Variants in SH3PXD2B observed in about 807,000 individuals in gnomAD.
SH3PXD2B encodes the protein SH3 and PX domains 2B, also known as SH3 and PX domain-containing protein 2B.
In SH3PXD2B, 37 loss-of-function variants were observed where a neutral mutation model predicts 73.1. The ratio of observed to expected loss-of-function variants is 0.51; its 90% CI spans 0.39 to 0.67. SH3PXD2B has a LOEUF of 0.67. SH3PXD2B is among the 30% of genes least tolerant of loss of function. The pLI, the probability that SH3PXD2B is intolerant of heterozygous loss-of-function variation, is 0.00. For missense variants in SH3PXD2B, 1,053 were observed against 1,197.8 expected (o/e 0.88, Z 1.78); for synonymous variants, 457 against 480.5 (o/e 0.95, Z 0.64).
intron 4 of SH3PXD2B, among the ~76,000 whole-genome samples, chr5:172,384,080 C>T (rs1758006998): frequency 6.6e-6 from 1 of 151,972 alleles, no homozygotes; most frequent in African/African-American, 2.4e-5. Flanking sequence ...CTCCTGACCT[C>T]GTGATCCACC....
At position 172,336,529 on chromosome 5, in the gene SH3PXD2B, G is replaced by T. The variant is rs1561888441; in HGVS notation, c.*1840C>A. ...TCACGCAGAAGCAGCCAGCACCCACGTGATAGGGGGTGGAGCTGGGAGGCG... is the reference window on the plus strand; with the variant it reads ...TCACGCAGAAGCAGCCAGCACCCACTTGATAGGGGGTGGAGCTGGGAGGCG... On this transcript the variant is annotated 3_prime_UTR_variant, in exon 13 of 13. Coordinates refer to ENST00000311601, the MANE Select transcript of SH3PXD2B (RefSeq NM_001017995.3). 3 of 985,668 alleles carry T rather than the reference G, an allele frequency of 3.0e-6. No individual in the cohort carries two copies. The highest frequency in any genetic ancestry group is 1.1e-4 in the East Asian group (1 of 8,798). 61.1% of individuals were successfully genotyped at this position (985,668 alleles called of 1,614,324 possible).
chr5:172,331,619 A>G (rs1756557691), downstream of SH3PXD2B, among the ~76,000 whole-genome samples: 1 of 152,174 alleles, frequency 6.6e-6, no homozygotes, highest in African/African-American at 2.4e-5. Context: ...TGCAGGTATG[A>G]GAGGGTGAGG....
In SH3PXD2B at chr5:172,393,946, A is replaced by G. The variant is rs550485545; in HGVS notation, c.309+617T>C. On this transcript the variant is annotated intron_variant, in intron 4 of 12. Coordinates refer to ENST00000311601, the MANE Select transcript of SH3PXD2B (RefSeq NM_001017995.3). Reference sequence around the variant, plus strand: ...CGTGGTCATTAAAAGTAGGCTTAAGAGGATTTTTTTTTTTTTGAGACAGAG... The same window carrying G: ...CGTGGTCATTAAAAGTAGGCTTAAGGGGATTTTTTTTTTTTTGAGACAGAG... 1.2e-3 allele frequency among the ~76,000 whole-genome samples: 147 copies of G among 124,250 alleles called. 2 individuals carry two copies. Among genetic ancestry groups the G allele is most frequent in the African/African-American group, 4.9e-3 (138 of 28,192 alleles). The allele number at this position is 124,250 out of a possible 152,430, so 81.5% of individuals were successfully genotyped here. A position where few individuals can be genotyped will look rare whatever the true frequency, so the allele number is the denominator to read the frequency against.
At chr5:172,443,257 T>C (rs574372766) in intron 1 of SH3PXD2B, among the ~76,000 whole-genome samples, 28 of 152,350 alleles carry the variant, frequency 1.8e-4, no homozygotes, top group Admixed American at 1.3e-3. Flanking sequence ...GGAATCGCTA[T>C]TTGTGACAAA....
chr5:172,452,238 T>A (rs1759812450), intron 1 of SH3PXD2B, among the ~76,000 whole-genome samples: 1 of 152,146 alleles, frequency 6.6e-6, no homozygotes. Context: ...TGAATCCCAA[T>A]CTATGTTTTA....
chr5:172,440,614 T>C (rs1376050448), intron 1 of SH3PXD2B, among the ~76,000 whole-genome samples: 2 of 152,222 alleles, frequency 1.3e-5, no homozygotes, highest in African/African-American at 4.8e-5. Flanking sequence ...GAGCTCCCAC[T>C]TAGGGCTGGA....
Position 172,337,307 on chromosome 5 carries a change from T to C in SH3PXD2B, c.*1062A>G, listed in dbSNP as rs1756725336. ...AGCTTCTATCTCTTCCCTGCCTGGTTTGTCTTTTACAGAGGGGAGGGCACA... is the reference window on the plus strand; with the variant it reads ...AGCTTCTATCTCTTCCCTGCCTGGTCTGTCTTTTACAGAGGGGAGGGCACA... On this transcript the variant is annotated 3_prime_UTR_variant, in exon 13 of 13. Coordinates refer to ENST00000311601, the MANE Select transcript of SH3PXD2B (RefSeq NM_001017995.3). The C allele has an allele frequency of 1.0e-6, 1 of 985,606 alleles. No individual in the cohort carries two copies. The highest frequency in any genetic ancestry group is 4.7e-5 in the South Asian group (1 of 21,290). The allele number at this position is 985,606 out of a possible 1,614,324, so 61.1% of individuals were successfully genotyped here.
At chr5:172,362,589 G>A in intron 7 of SH3PXD2B, 146 bp downstream of exon 7, 1 of 1,104,952 alleles carries the variant, frequency 9.1e-7, no homozygotes, top group South Asian at 1.3e-5. Flanking sequence ...GATCAAACAG[G>A]GGCCTCTTTC....
rs1390459226 is a variant in SH3PXD2B at position 172,394,482 on chromosome 5, T to C, written c.309+81A>G. The C allele has an allele frequency of 9.8e-6, 14 of 1,432,278 alleles. No individual in the cohort carries two copies. In the African/African-American group the frequency reaches 1.7e-4, roughly 17 times the overall value. The allele number at this position is 1,432,278 out of a possible 1,614,324, so 88.7% of individuals were successfully genotyped here. On this transcript the variant is annotated intron_variant, in intron 4 of 12. Transcript: ENST00000311601. Reference sequence around the variant, plus strand: ...CTTTGAATTGCACAAATTTTTATTGTTGAGCATCTTGTAGCCAGAAAAAGA... The same window carrying C: ...CTTTGAATTGCACAAATTTTTATTGCTGAGCATCTTGTAGCCAGAAAAAGA...
At position 172,383,613 on chromosome 5, in the gene SH3PXD2B, G is replaced by A. The variant is rs191646882; in HGVS notation, c.310-1486C>T. On this transcript the variant is annotated intron_variant, in intron 4 of 12. Transcript: ENST00000311601. ...TCTGAGGGTGGTTCAGGTGGTTCAC[G>A]CATACATTTTGTTGCACACACCTGT... is the stretch of plus-strand genomic sequence containing the variant. 5.9e-5 allele frequency among the ~76,000 whole-genome samples: 9 copies of A among 152,318 alleles called. 1 individual carries two copies. The highest frequency in any genetic ancestry group is 2.6e-4 in the Admixed American group (4 of 15,308).
intron 6 of SH3PXD2B, 38 bp downstream of exon 6, chr5:172,373,752 A>C: frequency 6.2e-7 from 1 of 1,602,480 alleles, no homozygotes; most frequent in Non-Finnish European, 8.5e-7. Flanking sequence ...AGTTTGCCGA[A>C]AACTGAACGA....
In SH3PXD2B at chr5:172,338,501, G is replaced by A; in HGVS notation, c.2604C>T (p.Ser868=). 6.2e-7 allele frequency: 1 copy of A among 1,614,228 alleles called. No homozygotes were observed. The highest frequency in any genetic ancestry group is 8.5e-7 in the Non-Finnish European group (1 of 1,180,044). ...VADFEGDKDT[S]SFQEGTVFEV... ...CAAACACTGTCCCTTCCTGGAAGCT[G>A]CTGGTGTCTTTGTCTCCTTCAAAGT... is the stretch of plus-strand genomic sequence containing the variant. The change falls in exon 13 of 13, where the codon AGC becomes AGT. Residue 868 remains serine, a synonymous_variant. Coordinates refer to ENST00000311601, the MANE Select transcript of SH3PXD2B (RefSeq NM_001017995.3). This position sits in a 1 kb window ranked among gnomAD's most constrained non-coding sequence, Gnocchi z 5.1.
At chr5:172,348,828 A>T (rs1757087113) in intron 10 of SH3PXD2B, among the ~76,000 whole-genome samples, 1 of 151,780 alleles carries the variant, frequency 6.6e-6, no homozygotes, top group African/African-American at 2.4e-5. Context: ...CGCCTCAGCC[A>T]CCCTAGTAGC....
At chr5:172,402,303 G>C (rs888207076) in intron 3 of SH3PXD2B, among the ~76,000 whole-genome samples, 2 of 152,136 alleles carry the variant, frequency 1.3e-5, no homozygotes, top group Non-Finnish European at 2.9e-5. Flanking sequence ...CTCAAACCCT[G>C]TCTCCTGATA....
chr5:172,342,704 T>G (rs1027324494), intron 12 of SH3PXD2B, among the ~76,000 whole-genome samples: 2 of 151,470 alleles, frequency 1.3e-5, no homozygotes, highest in Non-Finnish European at 2.9e-5. Context: ...GAGGTTGCAG[T>G]GAGCCGAGAT....
At chr5:172,417,551 TAA>T (rs1758853662) in intron 2 of SH3PXD2B, among the ~76,000 whole-genome samples, 1 of 152,214 alleles carries the variant, frequency 6.6e-6, no homozygotes, top group Non-Finnish European at 1.5e-5. Context: ...CATTTGTACC[TAA>T]AAGAGTTCTG....
chr5:172,439,694 A>G (rs879836241), intron 1 of SH3PXD2B, among the ~76,000 whole-genome samples: 1,412 of 42,644 alleles, frequency 0.033, 10 homozygotes, highest in African/African-American at 0.13. Context: ...ACGCGCGCGC[A>G]CACACACACA....
At chr5:172,375,108 C>T (rs562968818) in intron 5 of SH3PXD2B, among the ~76,000 whole-genome samples, 20 of 152,116 alleles carry the variant, frequency 1.3e-4, no homozygotes, top group Non-Finnish European at 2.6e-4. Context: ...CCTGTAATCC[C>T]AGCACTTTGG....
At chr5:172,373,519 G>C (rs1757752990) in intron 6 of SH3PXD2B, among the ~76,000 whole-genome samples, 1 of 152,122 alleles carries the variant, frequency 6.6e-6, no homozygotes, top group East Asian at 1.9e-4. Flanking sequence ...TGGTATATTG[G>C]ATGAAACAAC....
Sources: allele counts gnomAD v4.1 joint callset (sites outside exome capture counted in the v4.1 genomes callset), GRCh38; gene constraint gnomAD v4.1.1; non-coding constraint Gnocchi (gnomAD v3.1); transcripts MANE v1.5; gene names NCBI Gene and HGNC (gene_info 2026-07-23, HGNC 2026-07-21).